SRI: variants seen among roughly 807,000 people sequenced by gnomAD.
SRI encodes sorcin.
A neutral mutation model predicts 33.3 loss-of-function variants in SRI; 30 were observed. That is an observed-to-expected ratio of 0.90 (90% CI 0.67 to 1.22). The LOEUF is 1.22. Ranked by LOEUF, SRI falls within the 50% of genes most tolerant of loss-of-function variation. The probability of loss-of-function intolerance (pLI) is 0.00; values close to 1 mark genes in which losing one functional copy is unlikely to be tolerated. For missense variants in SRI, 243 were observed against 250.8 expected, an observed-to-expected ratio of 0.97 and a Z score of 0.21; for synonymous variants, 75 against 89.9, an observed-to-expected ratio of 0.83 and a Z score of 0.94.
chr7:88,209,900 G>C (rs1192778283), intron 5 of SRI, 83 bp downstream of exon 5: 1 of 1,572,420 alleles, frequency 6.4e-7, no homozygotes, highest in African/African-American at 1.4e-5. Flanking sequence ...ACAGGTGTGA[G>C]CCACTGCACC....
rs941576343 is a variant in SRI, at chr7:88,209,656, C to T, written c.398-204G>A. On this transcript the variant is annotated intron_variant, in intron 5 of 7. Coordinates refer to ENST00000265729, the MANE Select transcript of SRI (RefSeq NM_003130.4). ...TTACGAGAGGGAGTCTCACTCTCGC[C>T]CAGGCTGGAGTGCAGTGGTGTGATC... Among the ~76,000 whole-genome samples, 6 of 152,062 alleles carry T rather than the reference C, an allele frequency of 3.9e-5. 1 individual carries two copies. Among genetic ancestry groups the T allele is most frequent in the Admixed American group, 3.3e-4 (5 of 15,260 alleles).
At chr7:88,218,707 TA>T in intron 2 of SRI, 151 bp downstream of exon 2, 1 of 667,038 alleles carries the variant, frequency 1.5e-6, no homozygotes, top group Non-Finnish European at 2.6e-6. Context: ...CATTCAGAAA[TA>T]AAAAACTAAA....
intron 6 of SRI, 63 bp from the exon 7 acceptor site, chr7:88,208,628 G>A (rs1438916490): frequency 1.3e-6 from 2 of 1,595,806 alleles, no homozygotes; most frequent in Admixed American, 3.4e-5. Context: ...AATCATAAAA[G>A]TTAGTTATTT....
intron 4 of SRI, chr7:88,210,397 G>A (rs1178787989): frequency 1.5e-5 from 7 of 473,964 alleles, no homozygotes; most frequent in Non-Finnish European, 2.7e-5. Flanking sequence ...TATAAAAAGC[G>A]GTCTTGTTAC....
chr7:88,222,246 C>T (rs1408814544), upstream of SRI, among the ~76,000 whole-genome samples: 17 of 150,952 alleles, frequency 1.1e-4, no homozygotes, highest in African/African-American at 3.7e-4. Context: ...AGTTCTAGAT[C>T]CCTGAGGAAT....
intron 7 of SRI, among the ~76,000 whole-genome samples, chr7:88,207,498 TA>T (rs1291355167): frequency 6.8e-6 from 1 of 146,874 alleles, no homozygotes; most frequent in Non-Finnish European, 1.5e-5. Flanking sequence ...ATTTCAATTC[TA>T]CAAGTTTTTT....
In SRI at chr7:88,209,350, C is replaced by G. The variant is rs1851511681; in HGVS notation, c.500G>C (p.Arg167Thr). 2 of 1,613,696 alleles carry G rather than the reference C, an allele frequency of 1.2e-6. No individual in the cohort carries two copies. Among genetic ancestry groups the G allele is most frequent in the Admixed American group, 3.3e-5 (2 of 59,986 alleles). ...DDYIACCVKLRALTDSFRRRD... is the reference protein window; with the variant it reads ...DDYIACCVKLTALTDSFRRRD... ...CTTATAGAACTCACCTGTAAGAGCCCTCAGTTTGACGCAGCAGGCGATGTA... is the reference window on the plus strand; with the variant it reads ...CTTATAGAACTCACCTGTAAGAGCCGTCAGTTTGACGCAGCAGGCGATGTA... Residue 167 changes from arginine (R) to threonine (T), a missense_variant, in exon 6 of 8, where the codon AGG (arginine) becomes ACG (threonine). Physicochemically the swap from Arg to Thr is moderately conservative, Grantham distance 71 (BLOSUM62 -1). Transcript: ENST00000265729.
intron 4 of SRI, chr7:88,210,615 GA>G: frequency 2.3e-6 from 1 of 432,594 alleles, no homozygotes; most frequent in Non-Finnish European, 4.2e-6. Context: ...CAATGTTAAA[GA>G]AAAAAAGCTG....
Position 88,209,444 on chromosome 7 carries a change from ACCTAAAT to A in SRI, c.399_405del (p.Phe134Ter). 6.2e-7 allele frequency: 1 copy of A among 1,613,754 alleles called. No homozygotes were observed. The highest frequency in any genetic ancestry group is 8.5e-7 in the Non-Finnish European group (1 of 1,179,688). On this transcript the variant is annotated frameshift_variant and splice_region_variant, in exon 6 of 8. Coordinates refer to ENST00000265729, the MANE Select transcript of SRI (RefSeq NM_003130.4). LOFTEE classifies it high-confidence loss of function. ...ATTGAATTCACAGCCTGGGGACTCA[ACCTAAAT>A]CCTAAAAGAAAAGCCATCCAGTAAA...
Position 88,210,412 on chromosome 7 carries a change from A to C in SRI, c.250-282T>G. ...TATAAAAAGCGGTCTTGTTACTGGAACTAGGCTGTACTTTGTGGGTGCTTC... is the reference window on the plus strand; with the variant it reads ...TATAAAAAGCGGTCTTGTTACTGGACCTAGGCTGTACTTTGTGGGTGCTTC... On this transcript the variant is annotated intron_variant, in intron 4 of 7. Coordinates refer to ENST00000265729, the MANE Select transcript of SRI (RefSeq NM_003130.4). 6.7e-6 allele frequency: 3 copies of C among 447,122 alleles called. 1 individual carries two copies. The highest frequency in any genetic ancestry group is 1.2e-5 in the Non-Finnish European group (3 of 243,774). 27.7% of individuals were successfully genotyped at this position (447,122 alleles called of 1,614,324 possible).
chr7:88,218,762 C>T (rs1851798485), intron 2 of SRI, 97 bp downstream of exon 2: 7 of 1,136,182 alleles, frequency 6.2e-6, no homozygotes, highest in Non-Finnish European at 9.3e-6. Context: ...CAAAGGGACT[C>T]AGTACCACAG....
upstream of SRI, chr7:88,220,067 G>A (rs1851851027): frequency 6.7e-7 from 1 of 1,500,084 alleles, no homozygotes; most frequent in Non-Finnish European, 8.8e-7. Context: ...CTGTGCGCCA[G>A]GCCTCTCCGC....
At position 88,210,051 on chromosome 7, in the gene SRI, A is replaced by G. The variant is rs949542108; in HGVS notation, c.329T>C (p.Ile110Thr). The G allele has an allele frequency of 6.2e-7, 1 of 1,614,170 alleles. No homozygotes were observed. The highest frequency in any genetic ancestry group is 1.7e-5 in the Admixed American group (1 of 60,020). Residue 110 changes from isoleucine (I) to threonine (T), a missense_variant, in exon 5 of 8, where the codon ATC becomes ACC. By Grantham distance (89) the Ile-to-Thr change is moderately conservative. Coordinates refer to ENST00000265729, the MANE Select transcript of SRI (RefSeq NM_003130.4). ...TCCACTCCTGTCAGTGTCAAAACTG[A>G]TAAAGTGTTGTCTCCAGCCATTCAG... ...AVLNGWRQHFISFDTDRSGTV... is the reference protein window; with the variant it reads ...AVLNGWRQHFTSFDTDRSGTV...
At chr7:88,223,354 G>A (rs1326459046), upstream of SRI, among the ~76,000 whole-genome samples, 1 of 152,138 alleles carries the variant, frequency 6.6e-6, no homozygotes, top group African/African-American at 2.4e-5. Flanking sequence ...GAAGGGGAAG[G>A]AACAGAACAG....
At chr7:88,214,928 G>A (rs1199783152) in intron 3 of SRI, 1 of 743,874 alleles carries the variant, frequency 1.3e-6, no homozygotes, top group South Asian at 1.4e-5. Context: ...CCTTATCACA[G>A]ACGAACAACT....
At chr7:88,207,402 TA>T (rs1251759705) in intron 7 of SRI, among the ~76,000 whole-genome samples, 2 of 152,220 alleles carry the variant, frequency 1.3e-5, no homozygotes, top group African/African-American at 2.4e-5. Flanking sequence ...TTTAAAAGTG[TA>T]CTTATAACTG....
At chr7:88,219,284 A>G (rs1199907769) in intron 1 of SRI, 3 of 345,936 alleles carry the variant, frequency 8.7e-6, no homozygotes, top group Non-Finnish European at 1.7e-5. Context: ...TTTTGTTGTT[A>G]CAGCATTTAT....
At chr7:88,212,896 A>T (rs1486907064) in intron 3 of SRI, among the ~76,000 whole-genome samples, 1 of 152,202 alleles carries the variant, frequency 6.6e-6, no homozygotes, top group Non-Finnish European at 1.5e-5. Context: ...CTAAAGTTTA[A>T]GAACTGCTCT....
intron 7 of SRI, 187 bp downstream of exon 7, chr7:88,208,320 G>A: frequency 7.5e-7 from 1 of 1,328,710 alleles, no homozygotes; most frequent in East Asian, 2.7e-5. Context: ...TCAAATCATG[G>A]TCTCACTATA....
Sources: gnomAD v4.1 joint callset for allele counts (sites outside exome capture counted in the v4.1 genomes callset) on GRCh38, gnomAD v4.1.1 for gene constraint, MANE v1.5 for transcripts, NCBI Gene and HGNC (gene_info 2026-07-23, HGNC 2026-07-21) for gene names.